Variants in NOL7 observed in about 807,000 individuals in gnomAD.
The protein encoded by NOL7 is nucleolar protein 7, also known as U3 small nucleolar RNA-associated protein NOL7.
NOL7 carries 36 observed loss-of-function variants against 38.4 expected under a neutral mutation model. That is an observed-to-expected ratio of 0.94 (90% CI 0.72 to 1.24). NOL7 has a LOEUF of 1.24. NOL7 is among the 50% of genes most tolerant of loss of function. The probability of loss-of-function intolerance (pLI) is 0.00; values close to 1 mark genes in which losing one functional copy is unlikely to be tolerated. For synonymous variants in NOL7, 142 were observed against 126.5 expected (o/e 1.12, Z -0.82); for missense variants, 350 against 315.1 (o/e 1.11, Z -0.84).
chr6:13,616,552 T>TTATATATATATAAGTATATATATATA, intron 3 of NOL7, 31 bp downstream of exon 3: 3 of 1,444,492 alleles, frequency 2.1e-6, no homozygotes, highest in Admixed American at 1.8e-5. Context: ...TATTACTTGC[T>TTATATATATATAAGTATATATATATA]TATATACACC....
chr6:13,620,604 C>G, intron 7 of NOL7, 119 bp downstream of exon 7: 1 of 1,122,048 alleles, frequency 8.9e-7, no homozygotes, highest in Non-Finnish European at 1.3e-6. Context: ...TATTAAGTTA[C>G]TTGTGAAAAA....
In NOL7 at chr6:13,616,503, C is replaced by A; in HGVS notation, c.368C>A (p.Thr123Asn). ...LLPDTILEKL[T>N]TASQTNIKKS... ...CCAGACACTATTTTGGAGAAGTTAA[C>A]CACAGCTTCACAGACTAAGTAAGTA... Residue 123 changes from threonine (T) to asparagine (N), a missense_variant, in exon 3 of 8, where the codon ACC becomes AAC. By Grantham distance (65) the Thr-to-Asn change is moderately conservative. Coordinates refer to ENST00000451315, the MANE Select transcript of NOL7 (RefSeq NM_016167.5). 6.2e-7 allele frequency: 1 copy of A among 1,608,334 alleles called. No homozygotes were observed. Among genetic ancestry groups the A allele is most frequent in the Non-Finnish European group, 8.5e-7 (1 of 1,177,284 alleles).
At chr6:13,632,272 C>T (rs1260254573) in intron 8 of NOL7, 6 of 1,272,960 alleles carry the variant, frequency 4.7e-6, no homozygotes, top group Admixed American at 4.7e-5. Flanking sequence ...GGTCCCAGTT[C>T]CCTAACAAGA....
downstream of NOL7, chr6:13,625,696 A>G (rs773076004): frequency 6.2e-7 from 1 of 1,613,316 alleles, no homozygotes; most frequent in Non-Finnish European, 8.5e-7. Context: ...GTTCTCTCTG[A>G]ATCGGGTCAA....
chr6:13,621,712 A>G lies in NOL7; in HGVS notation c.*885A>G, dbSNP rs1348858163. ...ATACAACAGTTAAACTTGTGAGTCT[A>G]CAACAGAAGTCATCTGTAGTTAAAC... On this transcript the variant is annotated 3_prime_UTR_variant, in exon 8 of 8. Coordinates refer to ENST00000451315, the MANE Select transcript of NOL7 (RefSeq NM_016167.5). 1 of 152,672 alleles carries G rather than the reference A, an allele frequency of 6.5e-6. No homozygotes were observed. Among genetic ancestry groups the G allele is most frequent in the African/African-American group, 2.4e-5 (1 of 41,462 alleles). The allele number at this position is 152,672 out of a possible 1,614,324, so 9.5% of individuals were successfully genotyped here.
Position 13,615,560 on chromosome 6 carries a change from A to G in NOL7, c.202A>G (p.Thr68Ala), listed in dbSNP as rs1351423263. 3 of 1,565,380 alleles carry G rather than the reference A, an allele frequency of 1.9e-6. No homozygotes were observed. In the East Asian group the frequency reaches 7.1e-5, roughly 37 times the overall value. ...TGACGATGAGGCCCCGGAGGAGCTG[A>G]CTTTCGCCAGCGCCCAGGCGGAAGC... ...EFDDEAPEEL[T>A]FASAQAEARE... is the part of the protein sequence containing the mutation. Residue 68 changes from threonine (T) to alanine (A), a missense_variant, in exon 1 of 8, where the codon ACT becomes GCT. By Grantham distance (58) the Thr-to-Ala change is moderately conservative. Transcript: ENST00000451315.
In NOL7 at chr6:13,617,245, GC is replaced by G. The variant is rs200867465; in HGVS notation, c.387-516del. Among the ~76,000 whole-genome samples the G allele has an allele frequency of 3.8e-4, 57 of 148,316 alleles. No individual in the cohort carries two copies. In the South Asian group the frequency reaches 4.7e-3, roughly 12 times the overall value. ...AAGTGTCACCTTTACCTTCTCATTT[GC>G]CCCCCCCCACCTCCCATCACTTCCG... On this transcript the variant is annotated intron_variant, in intron 3 of 7. Transcript: ENST00000451315.
intron 8 of NOL7, among the ~76,000 whole-genome samples, chr6:13,627,630 CAAAAAAA>C (rs35401168): frequency 9.0e-5 from 6 of 66,410 alleles, no homozygotes; most frequent in Non-Finnish European, 1.8e-4. Flanking sequence ...ACTCCATCTC[CAAAAAAA>C]AAAAAAAAAA....
intron 8 of NOL7, among the ~76,000 whole-genome samples, chr6:13,632,015 T>G (rs553585451): frequency 6.6e-6 from 1 of 151,990 alleles, no homozygotes; most frequent in Non-Finnish European, 1.5e-5. Context: ...CACGCCCACA[T>G]TGCTCCTAGT....
At chr6:13,619,347 G>C (rs890805766) in intron 5 of NOL7, among the ~76,000 whole-genome samples, 3 of 152,218 alleles carry the variant, frequency 2.0e-5, no homozygotes. Flanking sequence ...AATTTTGGCC[G>C]ATACTGTGGA....
chr6:13,623,377 G>C (rs116529901), downstream of NOL7, among the ~76,000 whole-genome samples: 418 of 152,262 alleles, frequency 2.7e-3, 1 homozygote, highest in African/African-American at 9.6e-3. Flanking sequence ...CTCCACTCTT[G>C]GTTCAGAGGA....
Position 13,620,411 on chromosome 6 carries a change from A to ATTT in NOL7, c.627_628insTTT (p.Asn209_Lys210insPhe). On this transcript the variant is annotated inframe_insertion, in exon 7 of 8. Transcript: ENST00000451315. The stretch of plus-strand genomic sequence containing the variant: ...GATAAATACCTTTCTTTTCTAGTAA[A>ATTT]TAAGTTCCTGTCTCTTGCCAACAAG... 1 of 1,614,140 alleles carries ATTT rather than the reference A, an allele frequency of 6.2e-7. No homozygotes were observed. The highest frequency in any genetic ancestry group is 1.1e-5 in the South Asian group (1 of 91,082).
chr6:13,631,318 G>A (rs139240045), intron 8 of NOL7, among the ~76,000 whole-genome samples: 1 of 152,238 alleles, frequency 6.6e-6, no homozygotes, highest in Non-Finnish European at 1.5e-5. Flanking sequence ...AACTTGAGGT[G>A]CTCTATAACA....
intron 8 of NOL7, among the ~76,000 whole-genome samples, chr6:13,629,744 C>A (rs1764721399): frequency 6.6e-6 from 1 of 152,160 alleles, no homozygotes; most frequent in African/African-American, 2.4e-5. Context: ...TTGGGAGCCA[C>A]TGGAAGACGT....
rs35401168 is a variant in NOL7, at chr6:13,627,630, C to CAA, written n.574-4740_574-4739dup. 9.3e-3 allele frequency among the ~76,000 whole-genome samples: 614 copies of CAA among 66,158 alleles called. 9 individuals carry two copies. The highest frequency in any genetic ancestry group is 0.02 in the African/African-American group (333 of 16,954). The allele number at this position is 66,158 out of a possible 152,430, so 43.4% of individuals were successfully genotyped here. A position where few individuals can be genotyped will look rare whatever the true frequency, so the allele number is the denominator to read the frequency against. On this transcript the variant is annotated intron_variant and non_coding_transcript_variant, in intron 8 of 8. Transcript: ENST00000474485. The stretch of plus-strand genomic sequence containing the variant: ...GGACGACAGAGAGAGACTCCATCTC[C>CAA]AAAAAAAAAAAAAAAAAAAAAAAAT...
At chr6:13,624,600 T>C (rs1764548189), downstream of NOL7, among the ~76,000 whole-genome samples, 1 of 152,238 alleles carries the variant, frequency 6.6e-6, no homozygotes, top group Non-Finnish European at 1.5e-5. Flanking sequence ...TATATAGAAA[T>C]GCACAATATG....
At position 13,620,810 on chromosome 6, in the gene NOL7, A is replaced by G. The variant is rs201690476; in HGVS notation, c.757A>G (p.Met253Val). Residue 253 changes from methionine to valine, a missense_variant, in exon 8 of 8, where the codon ATG (methionine) becomes GTG (valine). Physicochemically the swap from Met to Val is conservative, Grantham distance 21. Transcript: ENST00000451315. ...TAAAAGACGGTGGATGGTCAGAAAG[A>G]TGAAAACTAAGAAGTAAATCAATGC... Reference protein sequence around the residue: ...RFKRRWMVRKMKTKK With the variant: ...RFKRRWMVRKVKTKK The G allele has an allele frequency of 2.5e-6, 4 of 1,599,770 alleles. No homozygotes were observed. The highest frequency in any genetic ancestry group is 3.4e-6 in the Non-Finnish European group (4 of 1,172,444).
intron 8 of NOL7, among the ~76,000 whole-genome samples, chr6:13,630,695 A>G (rs1042329122): frequency 6.6e-6 from 1 of 152,272 alleles, no homozygotes; most frequent in Admixed American, 6.5e-5. Context: ...CTGACTATAT[A>G]GTGGAATTTT....
In NOL7 at chr6:13,615,571, C is replaced by T. The variant is rs1325283561; in HGVS notation, c.213C>T (p.Ser71=). Residue 71 remains serine (S), a synonymous_variant, in exon 1 of 8, where the codon AGC becomes AGT. Coordinates refer to ENST00000451315, the MANE Select transcript of NOL7 (RefSeq NM_016167.5). Reference sequence around the variant, plus strand: ...CCCCGGAGGAGCTGACTTTCGCCAGCGCCCAGGCGGAAGCGAGAGAAGAGG... The same window carrying T: ...CCCCGGAGGAGCTGACTTTCGCCAGTGCCCAGGCGGAAGCGAGAGAAGAGG... ...DEAPEELTFA[S]AQAEAREEER... The T allele has an allele frequency of 3.2e-6, 5 of 1,569,594 alleles. No homozygotes were observed. Among genetic ancestry groups the T allele is most frequent in the Non-Finnish European group, 4.3e-6 (5 of 1,155,942 alleles).
Sources: allele counts gnomAD v4.1 joint callset (sites outside exome capture counted in the v4.1 genomes callset), GRCh38; gene constraint gnomAD v4.1.1; transcripts MANE v1.5; gene names NCBI Gene and HGNC (gene_info 2026-07-23, HGNC 2026-07-21).